The following CAB39 variants were observed in gnomAD, a reference collection of about 807,000 sequenced individuals.
CAB39 encodes the protein calcium-binding protein 39.
In CAB39, 8 loss-of-function variants were observed where a neutral mutation model predicts 40.0. That is an observed-to-expected ratio of 0.20 (90% CI 0.12 to 0.36). The LOEUF (loss-of-function observed/expected upper bound fraction) is 0.36, where lower values mean the gene tolerates loss of function less well. Among genes scored for constraint, CAB39 ranks in the 10% least tolerant of loss-of-function variants. CAB39 has a pLI of 1.00. For synonymous variants in CAB39, 156 were observed against 141.6 expected, an observed-to-expected ratio of 1.10 and a Z score of -0.72; for missense variants, 270 against 401.1, an observed-to-expected ratio of 0.67 and a Z score of 2.79.
intron 5 of CAB39, among the ~76,000 whole-genome samples, chr2:230,799,292 C>A (rs972474662): frequency 1.3e-5 from 2 of 152,142 alleles, no homozygotes; most frequent in African/African-American, 2.4e-5. Flanking sequence ...TTGGAATATA[C>A]ACTTCATGAA....
At chr2:230,814,494 G>A (rs1040109350) in intron 7 of CAB39, among the ~76,000 whole-genome samples, 2 of 152,172 alleles carry the variant, frequency 1.3e-5, no homozygotes, top group African/African-American at 4.8e-5. Context: ...CGATGTGCGT[G>A]TGAGGCTGTG....
chr2:230,774,544 C>T (rs933435336), intron 2 of CAB39, among the ~76,000 whole-genome samples: 3 of 152,176 alleles, frequency 2.0e-5, no homozygotes, highest in South Asian at 2.1e-4. Flanking sequence ...GGACTATTTA[C>T]GCACTCTTCG....
intron 1 of CAB39, among the ~76,000 whole-genome samples, chr2:230,731,101 C>G (rs1236338828): frequency 6.6e-6 from 1 of 152,218 alleles, no homozygotes; most frequent in Non-Finnish European, 1.5e-5. Context: ...AAGAGATGGT[C>G]TTAATCCTTA....
In CAB39 at chr2:230,783,122, C is replaced by T. The variant is rs111717786; in HGVS notation, c.115-7750C>T. On this transcript the variant is annotated intron_variant, in intron 2 of 8. Transcript: ENST00000258418. ...GATTACAGGCGTGAGCCACTGCGCCCGGCCCAGACTGCTCTTTCTTTAGTG... is the reference window on the plus strand; with the variant it reads ...GATTACAGGCGTGAGCCACTGCGCCTGGCCCAGACTGCTCTTTCTTTAGTG... 8.5e-3 allele frequency among the ~76,000 whole-genome samples: 1,301 copies of T among 152,252 alleles called. 18 individuals are homozygous for T. Among genetic ancestry groups the T allele is most frequent in the African/African-American group, 0.028 (1,161 of 41,534 alleles).
chr2:230,757,661 C>T (rs531179692), intron 1 of CAB39, among the ~76,000 whole-genome samples: 4 of 152,248 alleles, frequency 2.6e-5, no homozygotes, highest in Non-Finnish European at 5.9e-5. Flanking sequence ...TGCATAGCAC[C>T]GTAACACTTC....
In CAB39 at chr2:230,750,294, G is replaced by A. The variant is rs114079403; in HGVS notation, c.-43-9665G>A. 7.4e-3 allele frequency among the ~76,000 whole-genome samples: 1,121 copies of A among 152,250 alleles called. 11 individuals carry two copies. The highest frequency in any genetic ancestry group is 0.025 in the African/African-American group (1,044 of 41,542). ...CAGGATTGAGTTCTCACTGTTTTGGGACTGGATTAGTTAATGCCAAAGCAG... is the reference window on the plus strand; with the variant it reads ...CAGGATTGAGTTCTCACTGTTTTGGAACTGGATTAGTTAATGCCAAAGCAG... On this transcript the variant is annotated intron_variant, in intron 1 of 8. Transcript: ENST00000258418.
intron 1 of CAB39, among the ~76,000 whole-genome samples, chr2:230,741,368 G>A (rs7561687): frequency 0.11 from 17,229 of 152,150 alleles, 1,188 homozygotes; most frequent in Middle Eastern, 0.16. Context: ...TAAGACACAA[G>A]GATACAGGTC....
chr2:230,761,888 TTTGTTGTTGTTGTTGTTGTTG>T (rs55722046), intron 2 of CAB39, among the ~76,000 whole-genome samples: 204 of 149,954 alleles, frequency 1.4e-3, no homozygotes, highest in Non-Finnish European at 2.2e-3. Context: ...TTGTTTTTTA[TTTGTTGTTGTTGTTGTTGTTG>T]TTGTTGTTGT....
At chr2:230,771,191 CAGGTTATA>C (rs1695477035) in intron 2 of CAB39, among the ~76,000 whole-genome samples, 1 of 151,906 alleles carries the variant, frequency 6.6e-6, no homozygotes, top group Non-Finnish European at 1.5e-5. Flanking sequence ...TAGCGAGTCA[CAGGTTATA>C]AGGTCAATAT....
intron 1 of CAB39, among the ~76,000 whole-genome samples, chr2:230,733,358 G>A (rs61603321): frequency 0.14 from 21,653 of 151,870 alleles, 2,253 homozygotes; most frequent in African/African-American, 0.3. Context: ...TCAGGTCCTC[G>A]GATGTCCCCC....
intron 4 of CAB39, 142 bp downstream of exon 4, chr2:230,793,473 T>G (rs1392089478): frequency 1.2e-5 from 5 of 427,442 alleles, no homozygotes; most frequent in Non-Finnish European, 2.1e-5. Context: ...CACATTTCCC[T>G]CCTTGAAATT....
intron 1 of CAB39, chr2:230,752,119 C>T (rs1365035278): frequency 1.5e-5 from 2 of 134,146 alleles, no homozygotes; most frequent in Non-Finnish European, 3.1e-5. Flanking sequence ...AAAGCAATGC[C>T]TTTTTTAAAG....
intron 4 of CAB39, 29 bp downstream of exon 4, chr2:230,793,360 C>A: frequency 9.1e-7 from 1 of 1,100,038 alleles, no homozygotes; most frequent in Non-Finnish European, 1.3e-6. Flanking sequence ...AATTTGTATT[C>A]TCAGTTGAAC....
intron 2 of CAB39, among the ~76,000 whole-genome samples, chr2:230,765,294 A>G (rs1263497197): frequency 6.6e-6 from 1 of 152,150 alleles, no homozygotes; most frequent in Non-Finnish European, 1.5e-5. Flanking sequence ...TGAAGACTGC[A>G]ATAACTGCTA....
intron 1 of CAB39, 86 bp from the exon 2 acceptor site, chr2:230,759,873 G>T: frequency 1.9e-6 from 1 of 533,592 alleles, no homozygotes; most frequent in Admixed American, 3.1e-5. Flanking sequence ...GCCTAAACAC[G>T]GGTTTTCTTC....
At chr2:230,726,618 G>A (rs1694577422) in intron 1 of CAB39, among the ~76,000 whole-genome samples, 1 of 152,106 alleles carries the variant, frequency 6.6e-6, no homozygotes, top group South Asian at 2.1e-4. Flanking sequence ...AGGCAGGAAG[G>A]AACTAGGAAC....
chr2:230,767,803 C>T (rs778717619), intron 2 of CAB39, among the ~76,000 whole-genome samples: 133 of 152,340 alleles, frequency 8.7e-4, no homozygotes, highest in Non-Finnish European at 1.0e-3. Context: ...GCACTCCAGT[C>T]ATACTCCTGC....
intron 1 of CAB39, among the ~76,000 whole-genome samples, chr2:230,727,509 G>T (rs1694608434): frequency 6.6e-6 from 1 of 151,028 alleles, no homozygotes; most frequent in South Asian, 2.1e-4. Context: ...CAACCTTCTG[G>T]GCTTGAGTGA....
intron 1 of CAB39, among the ~76,000 whole-genome samples, chr2:230,756,388 G>A (rs1695190095): frequency 6.6e-6 from 1 of 152,110 alleles, no homozygotes; most frequent in African/African-American, 2.4e-5. Context: ...AGCTGTTATG[G>A]GACCACTGTC....
Sources: allele counts gnomAD v4.1 joint callset (sites outside exome capture counted in the v4.1 genomes callset), GRCh38; gene constraint gnomAD v4.1.1; transcripts MANE v1.5; gene names NCBI Gene and HGNC (gene_info 2026-07-23, HGNC 2026-07-21).